Variants in CTNNA3 observed in about 807,000 individuals in gnomAD.
CTNNA3 encodes catenin alpha 3, also known as catenin alpha-3.
In CTNNA3, 76 loss-of-function variants were observed where a neutral mutation model predicts 95.7. The ratio of observed to expected loss-of-function variants is 0.79; its 90% CI spans 0.66 to 0.96. The LOEUF is 0.96. Among genes scored for constraint, CTNNA3 ranks in the 40% least tolerant of loss-of-function variants. The pLI is 0.00. For synonymous variants in CTNNA3, 431 were observed against 374.4 expected (o/e 1.15, Z -1.74); for missense variants, 1,191 against 1,089.8 (o/e 1.09, Z -1.31).
intron 7 of CTNNA3, among the ~76,000 whole-genome samples, chr10:67,124,816 T>TTTG (rs1265508400): frequency 6.6e-6 from 1 of 152,240 alleles, no homozygotes; most frequent in Non-Finnish European, 1.5e-5. Flanking sequence ...CATGAACTAA[T>TTTG]TTGCCAACAT....
At chr10:66,239,811 T>C (rs1293163678) in intron 13 of CTNNA3, among the ~76,000 whole-genome samples, 2 of 152,038 alleles carry the variant, frequency 1.3e-5, no homozygotes, top group Non-Finnish European at 2.9e-5. Flanking sequence ...AACTGTTAAA[T>C]TGGGCATTTT....
At chr10:67,638,139 C>A (rs1051332034) in intron 2 of CTNNA3, among the ~76,000 whole-genome samples, 3 of 152,222 alleles carry the variant, frequency 2.0e-5, no homozygotes, top group South Asian at 4.1e-4. Flanking sequence ...CAGAGACACA[C>A]ATAGGCTCAA....
intron 11 of CTNNA3, among the ~76,000 whole-genome samples, chr10:66,519,073 G>A (rs1840963353): frequency 6.6e-6 from 1 of 151,902 alleles, no homozygotes; most frequent in Non-Finnish European, 1.5e-5. Context: ...TTATAAGAAA[G>A]AATATTATCA....
intron 7 of CTNNA3, among the ~76,000 whole-genome samples, chr10:66,880,430 A>G (rs915035448): frequency 1.3e-5 from 2 of 152,112 alleles, no homozygotes; most frequent in Admixed American, 6.6e-5. Flanking sequence ...ACTTTGCACG[A>G]GCAAAAACTA....
intron 1 of CTNNA3, among the ~76,000 whole-genome samples, chr10:67,688,150 G>T (rs1840769764): frequency 6.6e-6 from 1 of 152,110 alleles, no homozygotes; most frequent in Admixed American, 6.5e-5. Context: ...TACCTAACAG[G>T]ATCATCTGAA....
chr10:67,305,000 G>A (rs767786770), intron 5 of CTNNA3, among the ~76,000 whole-genome samples: 48 of 152,116 alleles, frequency 3.2e-4, no homozygotes, highest in Non-Finnish European at 6.2e-4. Flanking sequence ...TATTAGGCTG[G>A]GTGCGGTGGC....
At chr10:67,470,747 T>G (rs1233760028) in intron 5 of CTNNA3, among the ~76,000 whole-genome samples, 2 of 152,104 alleles carry the variant, frequency 1.3e-5, no homozygotes, top group Non-Finnish European at 2.9e-5. Context: ...ATTGAGTTTT[T>G]GGGGCCAGAA....
chr10:67,417,179 A>C (rs1294419060), intron 5 of CTNNA3, among the ~76,000 whole-genome samples: 4 of 152,196 alleles, frequency 2.6e-5, no homozygotes, highest in Non-Finnish European at 5.9e-5. Flanking sequence ...TCATAATCCT[A>C]AGCAAATTAA....
intron 7 of CTNNA3, among the ~76,000 whole-genome samples, chr10:66,892,304 T>A (rs1311845079): frequency 6.6e-6 from 1 of 152,152 alleles, no homozygotes; most frequent in Admixed American, 6.5e-5. Flanking sequence ...TTATTTTGAA[T>A]CTGTTTCTTG....
chr10:66,597,507 CATACATATATATATAT>C (rs1448390554), intron 10 of CTNNA3, among the ~76,000 whole-genome samples: 1 of 79,616 alleles, frequency 1.3e-5, no homozygotes, highest in Non-Finnish European at 2.4e-5. Context: ...CATTTTATTT[CATACATATATATATAT>C]ATATATATAT....
intron 5 of CTNNA3, among the ~76,000 whole-genome samples, chr10:67,272,550 C>G (rs891161336): frequency 3.3e-5 from 5 of 151,850 alleles, no homozygotes; most frequent in African/African-American, 9.7e-5. Flanking sequence ...AAGACCCTGT[C>G]TCAAAAAATA....
At chr10:67,069,059 T>C (rs1455982763) in intron 7 of CTNNA3, among the ~76,000 whole-genome samples, 1 of 150,932 alleles carries the variant, frequency 6.6e-6, no homozygotes, top group Admixed American at 6.6e-5. Flanking sequence ...AAAAAAAATA[T>C]ATATATGTAA....
chr10:67,165,999 C>T (rs1226198090), intron 7 of CTNNA3, among the ~76,000 whole-genome samples: 1 of 152,174 alleles, frequency 6.6e-6, no homozygotes, highest in Non-Finnish European at 1.5e-5. Flanking sequence ...CCATACTAAC[C>T]GTCTTGCCAA....
intron 7 of CTNNA3, among the ~76,000 whole-genome samples, chr10:67,121,223 G>A (rs1447504868): frequency 2.6e-5 from 4 of 152,150 alleles, no homozygotes; most frequent in Admixed American, 1.3e-4. Flanking sequence ...TTGACCAATC[G>A]ATGGATGAAA....
chr10:67,386,322 A>G (rs1255249690), intron 5 of CTNNA3, among the ~76,000 whole-genome samples: 3 of 152,192 alleles, frequency 2.0e-5, no homozygotes, highest in African/African-American at 7.2e-5. Flanking sequence ...GTTTTCAACT[A>G]CTTGGAATTC....
At chr10:66,731,510 A>C (rs538543799) in intron 9 of CTNNA3, among the ~76,000 whole-genome samples, 1 of 151,958 alleles carries the variant, frequency 6.6e-6, no homozygotes, top group East Asian at 1.9e-4. Flanking sequence ...TAAGTCTCTC[A>C]TTTCCATTTT....
chr10:67,022,694 T>C (rs2133078776), intron 7 of CTNNA3, among the ~76,000 whole-genome samples: 1 of 152,228 alleles, frequency 6.6e-6, no homozygotes, highest in South Asian at 2.1e-4. Flanking sequence ...TCCCAGCATT[T>C]TGGGAGGCCG....
chr10:67,350,908 G>GTATATA (rs1401815762), intron 5 of CTNNA3, among the ~76,000 whole-genome samples: 1 of 50,244 alleles, frequency 2.0e-5, no homozygotes, highest in African/African-American at 5.6e-5. Flanking sequence ...AAAAAAGTAT[G>GTATATA]TGTATATATA....
intron 15 of CTNNA3, among the ~76,000 whole-genome samples, chr10:66,051,670 C>G (rs4745885): frequency 0.17 from 25,781 of 152,060 alleles, 2,478 homozygotes; most frequent in South Asian, 0.35. Flanking sequence ...TTTTAATGTT[C>G]AAAGGACAAA....
Sources: gnomAD v4.1 joint callset for allele counts (sites outside exome capture counted in the v4.1 genomes callset) on GRCh38, gnomAD v4.1.1 for gene constraint, MANE v1.5 for transcripts, NCBI Gene and HGNC (gene_info 2026-07-23, HGNC 2026-07-21) for gene names.